Variants in SPRY3 observed in about 807,000 individuals in gnomAD.
SPRY3 encodes sprouty RTK signaling antagonist 3.
SPRY3 carries 15 observed loss-of-function variants against 20.2 expected under a neutral mutation model. The observed-to-expected ratio is 0.74, with a 90% CI of 0.50 to 1.14. The LOEUF (loss-of-function observed/expected upper bound fraction) is 1.14, where lower values mean the gene tolerates loss of function less well. Among genes scored for constraint, SPRY3 ranks in the 50% most tolerant of loss-of-function variants. SPRY3 has a pLI of 0.00. For missense variants in SPRY3, 364 were observed against 363.9 expected (o/e 1.00, Z 0.00); for synonymous variants, 143 against 136.5 (o/e 1.05, Z -0.33).
At chrX:155,712,797 G>T (rs1457773611) in intron 2 of SPRY3, among the ~76,000 whole-genome samples, 1 of 151,240 alleles carries the variant, frequency 6.6e-6, no homozygotes, top group Non-Finnish European at 1.5e-5. Flanking sequence ...ATTTTCTCTG[G>T]TGGTATAATT....
chrX:155,685,878 C>T (rs1311684590), intron 2 of SPRY3, among the ~76,000 whole-genome samples: 3 of 111,265 alleles, frequency 2.7e-5, no homozygotes, highest in Non-Finnish European at 5.7e-5. Context: ...AGCGATTCTC[C>T]TGTGTTAGCC....
chrX:155,764,349 G>C (rs986403385), intron 2 of SPRY3, among the ~76,000 whole-genome samples: 11 of 152,160 alleles, frequency 7.2e-5, no homozygotes, highest in Non-Finnish European at 1.0e-4. Flanking sequence ...AATCTAACAA[G>C]TTTGTAAAAG....
chrX:155,713,252 A>C (rs968198074), intron 2 of SPRY3, among the ~76,000 whole-genome samples: 1 of 152,080 alleles, frequency 6.6e-6, no homozygotes, highest in Non-Finnish European at 1.5e-5. Context: ...CACCACTTAC[A>C]GTGTTGTACT....
intron 1 of SPRY3, among the ~76,000 whole-genome samples, chrX:155,643,162 G>C (rs2067947450): frequency 9.0e-6 from 1 of 111,309 alleles, no homozygotes; most frequent in Admixed American, 9.6e-5. Context: ...TCCAGTATTG[G>C]GTGCATATGT....
At chrX:155,717,064 C>T (rs2091028490) in intron 2 of SPRY3, among the ~76,000 whole-genome samples, 1 of 141,338 alleles carries the variant, frequency 7.1e-6, no homozygotes, top group Non-Finnish European at 1.5e-5. Flanking sequence ...GAGGCTGAGG[C>T]AGGATAATTG....
downstream of SPRY3, chrX:155,780,829 T>C (rs768037739): frequency 5.4e-5 from 9 of 167,018 alleles, no homozygotes; most frequent in Middle Eastern, 3.4e-3. Context: ...AAAAAAGTAA[T>C]GGGAAGTAAT....
At chrX:155,634,132 A>G (rs1345682085) in intron 1 of SPRY3, among the ~76,000 whole-genome samples, 1 of 110,816 alleles carries the variant, frequency 9.0e-6, no homozygotes, top group Non-Finnish European at 1.9e-5. Flanking sequence ...TGGGATCCAA[A>G]GGACAGGAGC....
At chrX:155,779,683 A>G (rs755544330), downstream of SPRY3, 14 of 167,174 alleles carry the variant, frequency 8.4e-5, no homozygotes, top group South Asian at 4.1e-4. Context: ...AATGCTGGGG[A>G]AAAAATGGCT....
At chrX:155,650,513 G>C (rs182659178) in intron 1 of SPRY3, among the ~76,000 whole-genome samples, 4 of 112,096 alleles carry the variant, frequency 3.6e-5, no homozygotes, top group Non-Finnish European at 5.6e-5. Context: ...AACTTTTATA[G>C]ATGTTTTATA....
At chrX:155,621,970 G>A (rs962637737) in intron 1 of SPRY3, among the ~76,000 whole-genome samples, 3 of 111,770 alleles carry the variant, frequency 2.7e-5, no homozygotes, top group East Asian at 2.8e-4. Context: ...AAGGCTACCC[G>A]CAAAGGGCAG....
At chrX:155,620,717 G>A (rs1328113789) in intron 1 of SPRY3, among the ~76,000 whole-genome samples, 3 of 111,522 alleles carry the variant, frequency 2.7e-5, no homozygotes, top group Non-Finnish European at 3.8e-5. Flanking sequence ...AAAACCCTTC[G>A]GAGTGATGAT....
At chrX:155,708,477 G>A (rs911655986) in intron 2 of SPRY3, among the ~76,000 whole-genome samples, 75 of 151,452 alleles carry the variant, frequency 5.0e-4, no homozygotes, top group African/African-American at 1.8e-3. Context: ...TGACTAGGAT[G>A]TGTCCAGGTG....
intron 2 of SPRY3, among the ~76,000 whole-genome samples, chrX:155,735,934 A>T (rs58956811): frequency 0.072 from 10,916 of 151,528 alleles, 716 homozygotes; most frequent in African/African-American, 0.18. Flanking sequence ...TGAACATATT[A>T]TATGATTCAA....
chrX:155,716,501 T>A (rs1443865776), intron 2 of SPRY3, among the ~76,000 whole-genome samples: 2 of 152,122 alleles, frequency 1.3e-5, no homozygotes, highest in African/African-American at 4.8e-5. Flanking sequence ...TTCCCACACA[T>A]CTCTTAATTT....
chrX:155,614,883 G>GA (rs1400528114), intron 1 of SPRY3, among the ~76,000 whole-genome samples: 1 of 110,365 alleles, frequency 9.1e-6, no homozygotes, highest in Non-Finnish European at 1.9e-5. Flanking sequence ...AAACAAAATA[G>GA]AAAAAAACAA....
At chrX:155,649,720 T>C (rs2124543671) in intron 1 of SPRY3, among the ~76,000 whole-genome samples, 1 of 111,477 alleles carries the variant, frequency 9.0e-6, no homozygotes, top group African/African-American at 3.3e-5. Context: ...AAGACAAGGA[T>C]GCCCTCTCTC....
intron 1 of SPRY3, among the ~76,000 whole-genome samples, chrX:155,647,324 A>G (rs1245543139): frequency 9.3e-6 from 1 of 107,968 alleles, no homozygotes; most frequent in African/African-American, 3.4e-5. Flanking sequence ...TGTTATTATT[A>G]TACTTTAAGT....
intron 1 of SPRY3, among the ~76,000 whole-genome samples, chrX:155,645,158 C>T (rs1289471039): frequency 4.5e-5 from 5 of 111,704 alleles, no homozygotes; most frequent in Non-Finnish European, 9.4e-5. Context: ...ACAACTCTGA[C>T]TGGTGCACTA....
At chrX:155,745,856 C>T (rs887905774) in intron 2 of SPRY3, among the ~76,000 whole-genome samples, 1 of 151,960 alleles carries the variant, frequency 6.6e-6, no homozygotes, top group African/African-American at 2.4e-5. Context: ...TGGGTAGGAG[C>T]TTGAGCTAGC....
Sources: gnomAD v4.1 joint callset for allele counts (sites outside exome capture counted in the v4.1 genomes callset) on GRCh38, gnomAD v4.1.1 for gene constraint, MANE v1.5 for transcripts, NCBI Gene and HGNC (gene_info 2026-07-23, HGNC 2026-07-21) for gene names.